The following GTF2IRD1 variants were observed in gnomAD, a reference collection of about 807,000 sequenced individuals.
GTF2IRD1 encodes the protein general transcription factor II-I repeat domain-containing protein 1.
A neutral mutation model predicts 113.2 loss-of-function variants in GTF2IRD1; 26 were observed. The observed-to-expected ratio is 0.23, with a 90% CI of 0.17 to 0.32. The LOEUF (loss-of-function observed/expected upper bound fraction) is 0.32. GTF2IRD1 is among the 10% of genes least tolerant of loss of function. The pLI is 1.00. For synonymous variants in GTF2IRD1, 484 were observed against 529.1 expected (o/e 0.91, Z 1.17); for missense variants, 864 against 1,280.8 (o/e 0.67, Z 4.97).
chr7:74,514,364 T>C (rs1306621651), intron 3 of GTF2IRD1, among the ~76,000 whole-genome samples: 1 of 152,066 alleles, frequency 6.6e-6, no homozygotes, highest in Non-Finnish European at 1.5e-5. Context: ...GATGGGGGAC[T>C]GGGCCGGGTA....
intron 22 of GTF2IRD1, among the ~76,000 whole-genome samples, chr7:74,563,918 A>AT (rs1333942780): frequency 6.6e-6 from 1 of 151,614 alleles, no homozygotes; most frequent in African/African-American, 2.4e-5. Flanking sequence ...TGGCTCTGAG[A>AT]TTTTTTTAGG....
chr7:74,515,259 G>A (rs1345078712), intron 3 of GTF2IRD1, 182 bp from the exon 4 acceptor site: 79 of 1,269,718 alleles, frequency 6.2e-5, no homozygotes, highest in Non-Finnish European at 7.8e-5. Context: ...ACCAGCCCTG[G>A]CCCTCAGTGG....
intron 1 of GTF2IRD1, among the ~76,000 whole-genome samples, chr7:74,496,677 T>C (rs533468726): frequency 3.0e-4 from 46 of 152,126 alleles, no homozygotes; most frequent in African/African-American, 1.1e-3. Flanking sequence ...TGCATGCATG[T>C]GTGTGTTGAC....
chr7:74,499,997 G>C (rs544745523), intron 1 of GTF2IRD1, among the ~76,000 whole-genome samples: 8 of 152,346 alleles, frequency 5.3e-5, no homozygotes, highest in African/African-American at 1.2e-4. Context: ...TGCACACACA[G>C]AGGAATGAGT....
intron 1 of GTF2IRD1, among the ~76,000 whole-genome samples, chr7:74,459,148 T>C (rs1335789865): frequency 1.3e-5 from 2 of 152,062 alleles, no homozygotes; most frequent in Non-Finnish European, 2.9e-5. Context: ...CCCTGGAAAT[T>C]TGCCCATTTA....
intron 23 of GTF2IRD1, 78 bp downstream of exon 23, chr7:74,590,006 T>C: frequency 4.4e-6 from 4 of 911,174 alleles, no homozygotes; most frequent in South Asian, 4.2e-5. Flanking sequence ...GCAGCCAGCC[T>C]GGCTTTCAGG....
intron 12 of GTF2IRD1, among the ~76,000 whole-genome samples, 189 bp from the exon 13 acceptor site, chr7:74,538,491 C>T (rs1554350780): frequency 6.6e-6 from 1 of 152,192 alleles, no homozygotes; most frequent in African/African-American, 2.4e-5. Flanking sequence ...TAAATCGGAG[C>T]CCCTAAGCCT....
At chr7:74,552,830 G>A (rs1165153316) in intron 17 of GTF2IRD1, among the ~76,000 whole-genome samples, 1 of 151,724 alleles carries the variant, frequency 6.6e-6, no homozygotes, top group Non-Finnish European at 1.5e-5. Context: ...TTTTGTTGTT[G>A]TTTGTTTGTT....
At chr7:74,489,008 G>C (rs1795176494) in intron 1 of GTF2IRD1, among the ~76,000 whole-genome samples, 3 of 151,860 alleles carry the variant, frequency 2.0e-5, no homozygotes, top group South Asian at 4.2e-4. Flanking sequence ...CGGGTGTGGT[G>C]GTGGGTTCCT....
chr7:74,561,066 G>T (rs1404074072), intron 22 of GTF2IRD1, among the ~76,000 whole-genome samples: 1 of 151,996 alleles, frequency 6.6e-6, no homozygotes, highest in Non-Finnish European at 1.5e-5. Flanking sequence ...CCTCCAGGGC[G>T]GGCCAGGCAC....
At chr7:74,488,409 G>A (rs1795141396) in intron 1 of GTF2IRD1, among the ~76,000 whole-genome samples, 1 of 152,194 alleles carries the variant, frequency 6.6e-6, no homozygotes, top group African/African-American at 2.4e-5. Flanking sequence ...AAACAAATGG[G>A]TGACTTTACA....
intron 22 of GTF2IRD1, among the ~76,000 whole-genome samples, chr7:74,572,734 C>T: frequency 6.6e-6 from 1 of 152,120 alleles, no homozygotes; most frequent in Non-Finnish European, 1.5e-5. Context: ...CAAAATAAAG[C>T]CACCCTTTCT....
In GTF2IRD1 at chr7:74,529,833, C is replaced by T. The variant is rs782621927; in HGVS notation, c.1190C>T (p.Pro397Leu). Residue 397 changes from proline (P) to leucine (L), a missense_variant, in exon 9 of 27, where the codon CCC becomes CTC. Pro to Leu is a moderately conservative substitution (Grantham distance 98). Transcript: ENST00000424337. ...ATCGTGGGCATCCCGGACAAGATCC[C>T]CTTCAAGCGCCCCTGCACTTATGGA... ...VEIVGIPDKI[P>L]FKRPCTYGVP... The T allele has an allele frequency of 1.2e-6, 2 of 1,613,780 alleles. No homozygotes were observed. The highest frequency in any genetic ancestry group is 1.7e-6 in the Non-Finnish European group (2 of 1,179,880).
rs782301604 is a variant in GTF2IRD1 at position 74,519,510 on chromosome 7, C to T, written c.707C>T (p.Ala236Val). Residue 236 changes from alanine to valine, a missense_variant, in exon 6 of 27, where the codon GCC becomes GTC. Around this residue, in one of 7 missense-constraint regions of GTF2IRD1, gnomAD observed 195 missense variants for 196.6 expected, o/e 0.99. Coordinates refer to ENST00000424337, the MANE Select transcript of GTF2IRD1 (RefSeq NM_005685.4). The part of the protein sequence containing the change: ...GSRDCGLHGQ[A>V]PKVPPQDLPP... ...CGGGACTGTGGCCTGCATGGCCAGG[C>T]CCCCAAGGTGCCACCCCAGGACCTG... is the stretch of plus-strand genomic sequence containing the variant. 5.0e-6 allele frequency: 8 copies of T among 1,610,206 alleles called. No homozygotes were observed. Among genetic ancestry groups the T allele is most frequent in the Non-Finnish European group, 6.8e-6 (8 of 1,178,046 alleles).
intron 17 of GTF2IRD1, among the ~76,000 whole-genome samples, chr7:74,554,440 C>T (rs118176121): frequency 6.6e-6 from 1 of 152,152 alleles, no homozygotes; most frequent in Non-Finnish European, 1.5e-5. Flanking sequence ...CTGGTGCTTC[C>T]GACTGCAGTA....
intron 19 of GTF2IRD1, 131 bp from the exon 20 acceptor site, chr7:74,557,508 G>T: frequency 3.2e-6 from 2 of 621,596 alleles, no homozygotes. Context: ...AAGGACCTGA[G>T]GGGCCCACTC....
In GTF2IRD1 at chr7:74,555,331, C is replaced by A; in HGVS notation, c.1967-107C>A. ...GCCTCTGTCCTGCTCCCATCCTGGC[C>A]CTGGCATTCTCCCCACACCCCCACA... On this transcript the variant is annotated intron_variant, in intron 18 of 26. Coordinates refer to ENST00000424337, the MANE Select transcript of GTF2IRD1 (RefSeq NM_005685.4). The surrounding 1 kb of genome is among the most constrained non-coding windows in gnomAD (Gnocchi z 5.3). The A allele has an allele frequency of 6.9e-7, 1 of 1,457,268 alleles. No homozygotes were observed. The highest frequency in any genetic ancestry group is 9.6e-7 in the Non-Finnish European group (1 of 1,039,262). The allele number at this position is 1,457,268 out of a possible 1,614,324, so 90.3% of individuals were successfully genotyped here.
At chr7:74,521,717 G>A (rs890777332) in intron 7 of GTF2IRD1, among the ~76,000 whole-genome samples, 4 of 152,064 alleles carry the variant, frequency 2.6e-5, no homozygotes, top group African/African-American at 9.7e-5. Context: ...AGCTGTGATC[G>A]CACCACTGCA....
At chr7:74,576,629 T>C (rs1468662492) in intron 22 of GTF2IRD1, among the ~76,000 whole-genome samples, 5 of 73,952 alleles carry the variant, frequency 6.8e-5, no homozygotes, top group Non-Finnish European at 1.5e-4. Context: ...TTTTTTTTTT[T>C]TTTTTTTTTT....
Sources: gnomAD v4.1 joint callset for allele counts (sites outside exome capture counted in the v4.1 genomes callset) on GRCh38, gnomAD v4.1.1 for gene constraint, gnomAD v4.1.1 regional missense constraint, Gnocchi (gnomAD v3.1) non-coding constraint, MANE v1.5 for transcripts, NCBI Gene and HGNC (gene_info 2026-07-23, HGNC 2026-07-21) for gene names.